Variants in DNAH11 observed in about 807,000 individuals in gnomAD.
DNAH11 encodes dynein axonemal heavy chain 11.
A neutral mutation model predicts 526.0 loss-of-function variants in DNAH11; 442 were observed. The ratio of observed to expected loss-of-function variants is 0.84; its 90% confidence interval spans 0.78 to 0.91. DNAH11 has a LOEUF of 0.91. DNAH11 is among the 40% of genes least tolerant of loss of function. The pLI, the probability that DNAH11 is intolerant of heterozygous loss-of-function variation, is 0.00. For missense variants in DNAH11, 6,989 were observed against 5,448.7 expected, an observed-to-expected ratio of 1.28 and a Z score of -8.90; for synonymous variants, 2,461 against 1,935.9, an observed-to-expected ratio of 1.27 and a Z score of -7.12.
chr7:21,568,873 C>T (rs981063557), intron 6 of DNAH11, among the ~76,000 whole-genome samples: 2 of 152,128 alleles, frequency 1.3e-5, no homozygotes, highest in Non-Finnish European at 2.9e-5. Flanking sequence ...TGGAATACAC[C>T]ATATGCCACA....
At chr7:21,867,468 G>T (rs771580544) in intron 71 of DNAH11, among the ~76,000 whole-genome samples, 24 of 152,170 alleles carry the variant, frequency 1.6e-4, no homozygotes, top group Non-Finnish European at 3.4e-4. Flanking sequence ...ACCCCAAAAA[G>T]CATTTGTATA....
At chr7:21,674,563 A>G (rs1182765822) in intron 30 of DNAH11, among the ~76,000 whole-genome samples, 1 of 152,114 alleles carries the variant, frequency 6.6e-6, no homozygotes, top group African/African-American at 2.4e-5. Context: ...GGGTTTCGCC[A>G]TGTTGACCAG....
At chr7:21,659,192 T>G (rs1691166743) in intron 30 of DNAH11, among the ~76,000 whole-genome samples, 161 bp downstream of exon 30, 1 of 151,170 alleles carries the variant, frequency 6.6e-6, no homozygotes, top group Non-Finnish European at 1.5e-5. Context: ...TTTACCTTTG[T>G]GGTATCCTTC....
At position 21,689,601 on chromosome 7, in the gene DNAH11, C is replaced by T. The variant is rs147282835; in HGVS notation, c.5925-1164C>T. 2.4e-3 allele frequency among the ~76,000 whole-genome samples: 364 copies of T among 152,370 alleles called. 2 individuals are homozygous for T. Among genetic ancestry groups the T allele is most frequent in the African/African-American group, 5.3e-3 (220 of 41,594 alleles). The stretch of plus-strand genomic sequence containing the variant: ...GCAGTTATTCTGTGGCAAGAGCCAC[C>T]GCTCTGCGTGTGAGCGGCCCTGCCA... On this transcript the variant is annotated intron_variant, in intron 34 of 81. Transcript: ENST00000409508.
intron 45 of DNAH11, among the ~76,000 whole-genome samples, chr7:21,728,671 G>C (rs1583635059): frequency 1.3e-5 from 2 of 152,190 alleles, no homozygotes; most frequent in South Asian, 2.1e-4. Flanking sequence ...CATGAATTGA[G>C]GTACAATTCA....
rs766974859 is a variant in DNAH11, at chr7:21,588,123, A to G, written c.1770A>G (p.Leu590=). Reference sequence around the variant, plus strand: ...CAGTTGTCATGGAAATTTTCAGCCTACATTACAGCACACTAGTGCATATGT... The same window carrying G: ...CAGTTGTCATGGAAATTTTCAGCCTGCATTACAGCACACTAGTGCATATGT... ...EKPVVMEIFS[L]HYSTLVHMFN... Residue 590 remains leucine (L), a synonymous_variant, in exon 10 of 82, where the codon CTA becomes CTG. Coordinates refer to ENST00000409508, the MANE Select transcript of DNAH11 (RefSeq NM_001277115.2). 1.2e-6 allele frequency: 2 copies of G among 1,613,504 alleles called. No individual in the cohort carries two copies.
At chr7:21,581,259 A>G (rs1046478569) in intron 8 of DNAH11, among the ~76,000 whole-genome samples, 9 of 152,226 alleles carry the variant, frequency 5.9e-5, no homozygotes, top group Non-Finnish European at 1.2e-4. Flanking sequence ...TGAAGATAAT[A>G]GTTATTCTTT....
rs1786079851 is a variant in DNAH11, at chr7:21,744,994, C to A, written c.8441C>A (p.Thr2814Lys). Residue 2814 changes from threonine to lysine, a missense_variant, in exon 51 of 82, where the codon ACG becomes AAG. Physicochemically the swap from Thr to Lys is moderately conservative, Grantham distance 78. Transcript: ENST00000409508. ...GTGCTGAAGACGATTCTTACAGAAA[C>A]GTTAGACAACTACAATGAACTAAAT... Reference protein sequence around the residue: ...WEVLKTILTETLDNYNELNAA... With the variant: ...WEVLKTILTEKLDNYNELNAA... 2.5e-6 allele frequency: 4 copies of A among 1,610,010 alleles called. No individual in the cohort carries two copies. Among genetic ancestry groups the A allele is most frequent in the Non-Finnish European group, 3.4e-6 (4 of 1,178,142 alleles).
At chr7:21,844,024 G>A (rs1782319071) in intron 66 of DNAH11, among the ~76,000 whole-genome samples, 1 of 152,190 alleles carries the variant, frequency 6.6e-6, no homozygotes, top group Non-Finnish European at 1.5e-5. Context: ...GAAGAAGTAA[G>A]CTAGAATACT....
At chr7:21,863,406 C>T (rs1435624066) in intron 69 of DNAH11, among the ~76,000 whole-genome samples, 1 of 152,176 alleles carries the variant, frequency 6.6e-6, no homozygotes, top group Non-Finnish European at 1.5e-5. Flanking sequence ...CAGCTTACTA[C>T]ACCATTTGCC....
chr7:21,873,122 A>C (rs187150663), intron 73 of DNAH11, among the ~76,000 whole-genome samples, 152 bp from the exon 74 acceptor site: 1 of 150,870 alleles, frequency 6.6e-6, no homozygotes, highest in Non-Finnish European at 1.5e-5. Context: ...TGATGTATTG[A>C]TAAAGGAAAA....
intron 49 of DNAH11, 47 bp downstream of exon 49, chr7:21,742,213 A>G (rs1440781652): frequency 5.0e-6 from 8 of 1,591,784 alleles, no homozygotes; most frequent in African/African-American, 1.3e-5. Flanking sequence ...AGAAATAATG[A>G]TAATACTATG....
chr7:21,830,574 A>G (rs1031737524), intron 65 of DNAH11, among the ~76,000 whole-genome samples: 5 of 152,200 alleles, frequency 3.3e-5, no homozygotes, highest in African/African-American at 1.2e-4. Context: ...CTGCAATGTT[A>G]TGCAGTGAAA....
At chr7:21,738,917 G>A in intron 47 of DNAH11, 51 bp downstream of exon 47, 7 of 1,314,618 alleles carry the variant, frequency 5.3e-6, no homozygotes, top group South Asian at 4.8e-5. Flanking sequence ...TAATTATTAT[G>A]GATAATAATT....
At chr7:21,752,730 G>C (rs1209461253) in intron 54 of DNAH11, among the ~76,000 whole-genome samples, 2 of 151,826 alleles carry the variant, frequency 1.3e-5, no homozygotes, top group African/African-American at 4.8e-5. Flanking sequence ...TTTATCTTTT[G>C]AGACAGAGTT....
At position 21,771,861 on chromosome 7, in the gene DNAH11, TAATAA is replaced by T. The variant is rs1251350480; in HGVS notation, c.9103-1894_9103-1890del. On this transcript the variant is annotated intron_variant, in intron 55 of 81. Transcript: ENST00000409508. ...CCCCAACGCCCCCCACAAAAAAAAATAATAAAATAAAATAACTGGAGATAAATGAA... is the reference window on the plus strand; with the variant it reads ...CCCCAACGCCCCCCACAAAAAAAAATAATAAAATAACTGGAGATAAATGAA... 4.0e-5 allele frequency among the ~76,000 whole-genome samples: 6 copies of T among 148,914 alleles called. No homozygotes were observed. In the East Asian group the frequency reaches 5.9e-4, roughly 15 times the overall value.
At chr7:21,811,860 G>T (rs576653234) in intron 63 of DNAH11, among the ~76,000 whole-genome samples, 1 of 152,172 alleles carries the variant, frequency 6.6e-6, no homozygotes, top group Non-Finnish European at 1.5e-5. Context: ...TTGGGTACAG[G>T]AATTTTAGGT....
At chr7:21,556,108 G>A (rs1783208717) in intron 2 of DNAH11, among the ~76,000 whole-genome samples, 1 of 152,128 alleles carries the variant, frequency 6.6e-6, no homozygotes, top group Admixed American at 6.5e-5. Context: ...CTCACAGACG[G>A]TGCCTAAGTT....
chr7:21,881,020 A>G, intron 75 of DNAH11, 127 bp downstream of exon 75: 1 of 842,218 alleles, frequency 1.2e-6, no homozygotes, highest in Non-Finnish European at 1.7e-6. Context: ...CTATGTATGT[A>G]TCTTCTGCCA....
Sources: gnomAD v4.1 joint callset for allele counts (sites outside exome capture counted in the v4.1 genomes callset) on GRCh38, gnomAD v4.1.1 for gene constraint, MANE v1.5 for transcripts, NCBI Gene and HGNC (gene_info 2026-07-23, HGNC 2026-07-21) for gene names.